Variants in HECW1 observed in about 807,000 individuals in gnomAD.
The protein encoded by HECW1 is E3 ubiquitin-protein ligase HECW1.
HECW1 carries 61 observed loss-of-function variants against 182.3 expected under a neutral mutation model. That is an observed-to-expected ratio of 0.33 (90% CI 0.27 to 0.41). HECW1 has a LOEUF of 0.41. HECW1 is among the 10% of genes least tolerant of loss of function. The pLI is 1.00. For missense variants in HECW1, 1,739 were observed against 2,108.9 expected (o/e 0.82, Z 3.44); for synonymous variants, 859 against 832.6 (o/e 1.03, Z -0.55).
intron 24 of HECW1, among the ~76,000 whole-genome samples, chr7:43,521,405 A>C (rs1236047340): frequency 1.3e-5 from 2 of 152,206 alleles, no homozygotes; most frequent in East Asian, 3.9e-4. Flanking sequence ...TTCATGATGG[A>C]AGACTGGAAA....
intron 14 of HECW1, among the ~76,000 whole-genome samples, chr7:43,465,756 T>A (rs1053510319): frequency 6.6e-6 from 1 of 151,978 alleles, no homozygotes; most frequent in Non-Finnish European, 1.5e-5. Flanking sequence ...CCAGGCATGG[T>A]GCTGCATGCC....
At chr7:43,143,851 G>A (rs1788425062) in intron 2 of HECW1, among the ~76,000 whole-genome samples, 1 of 152,208 alleles carries the variant, frequency 6.6e-6, no homozygotes, top group African/African-American at 2.4e-5. Context: ...AATTTTTCCA[G>A]CTCAGAAGTC....
intron 5 of HECW1, among the ~76,000 whole-genome samples, chr7:43,343,675 A>G (rs937288375): frequency 3.3e-5 from 5 of 151,824 alleles, no homozygotes; most frequent in African/African-American, 1.2e-4. Context: ...ATTGATGGAC[A>G]TTTGGGTTGG....
chr7:43,491,525 C>T (rs539651508), intron 17 of HECW1, among the ~76,000 whole-genome samples: 110 of 152,318 alleles, frequency 7.2e-4, no homozygotes, highest in South Asian at 3.5e-3. Context: ...ATTTATCTCT[C>T]TTTAACAAAT....
intron 6 of HECW1, among the ~76,000 whole-genome samples, chr7:43,373,438 A>G (rs1264172496): frequency 6.6e-6 from 1 of 151,940 alleles, no homozygotes; most frequent in African/African-American, 2.4e-5. Context: ...GATTACAGGC[A>G]TGAGCCACCA....
chr7:43,437,012 C>T (rs2076733279), intron 8 of HECW1, among the ~76,000 whole-genome samples: 1 of 152,090 alleles, frequency 6.6e-6, no homozygotes, highest in African/African-American at 2.4e-5. Context: ...ATTACAGATG[C>T]CCGCCACCAT....
chr7:43,407,640 A>G lies in HECW1; in HGVS notation c.710A>G (p.Lys237Arg). 6.2e-7 allele frequency: 1 copy of G among 1,613,996 alleles called. No homozygotes were observed. Among genetic ancestry groups the G allele is most frequent in the Non-Finnish European group, 8.5e-7 (1 of 1,179,902 alleles). ...PYLKISIQPG[K>R]HSIFPALPHH... The stretch of plus-strand genomic sequence containing the variant: ...CTGAAGATTTCCATTCAGCCTGGGA[A>G]ACACAGCATCTTCCCCGCCCTCCCT... Residue 237 changes from lysine (K) to arginine (R), a missense_variant, in exon 8 of 30, where the codon AAA (lysine) becomes AGA (arginine). Lys to Arg is a conservative substitution (Grantham distance 26). Coordinates refer to ENST00000395891, the MANE Select transcript of HECW1 (RefSeq NM_015052.5).
At chr7:43,427,242 A>T (rs546044977) in intron 8 of HECW1, among the ~76,000 whole-genome samples, 1 of 152,216 alleles carries the variant, frequency 6.6e-6, no homozygotes, top group South Asian at 2.1e-4. Flanking sequence ...AGTCAACCAT[A>T]TACTACACAC....
intron 6 of HECW1, among the ~76,000 whole-genome samples, chr7:43,391,336 C>T (rs186658278): frequency 6.6e-6 from 1 of 152,318 alleles, no homozygotes. Flanking sequence ...CTCTCTTCCT[C>T]CCCAGTTCAT....
At chr7:43,345,160 G>A (rs1441347653) in intron 5 of HECW1, among the ~76,000 whole-genome samples, 2 of 152,072 alleles carry the variant, frequency 1.3e-5, no homozygotes, top group African/African-American at 4.8e-5. Flanking sequence ...GGTTATAGCA[G>A]GAGTTATGAA....
chr7:43,245,569 A>G (rs1799307885), intron 3 of HECW1: 1 of 152,176 alleles, frequency 6.6e-6, no homozygotes, highest in Non-Finnish European at 1.5e-5. Flanking sequence ...TTGAAATAAA[A>G]CTCCTGGAAC....
chr7:43,320,541 G>A, intron 4 of HECW1, 94 bp from the exon 5 acceptor site: 1 of 833,970 alleles, frequency 1.2e-6, no homozygotes, highest in Non-Finnish European at 2.0e-6. Flanking sequence ...TGAGATGGAA[G>A]CAGCATTTGT....
intron 4 of HECW1, among the ~76,000 whole-genome samples, chr7:43,319,659 AT>A (rs901936020): frequency 1.7e-5 from 2 of 114,480 alleles, no homozygotes; most frequent in Non-Finnish European, 3.3e-5. Context: ...AACAGGCTGG[AT>A]ATGATCTTGG....
At chr7:43,369,458 G>A (rs950041274) in intron 6 of HECW1, among the ~76,000 whole-genome samples, 6 of 151,814 alleles carry the variant, frequency 4.0e-5, no homozygotes, top group African/African-American at 9.7e-5. Flanking sequence ...GCGAAACTCC[G>A]TCTCAAAAAA....
intron 2 of HECW1, among the ~76,000 whole-genome samples, chr7:43,224,723 G>C (rs887768509): frequency 5.9e-5 from 9 of 152,248 alleles, no homozygotes; most frequent in Admixed American, 2.0e-4. Flanking sequence ...GCTGAAGTGA[G>C]AGGATCACCT....
rs918122867 is a variant in HECW1 at position 43,558,225 on chromosome 7, C to T, written c.4709+3435C>T. On this transcript the variant is annotated intron_variant, in intron 29 of 29. Transcript: ENST00000395891. ...AGAAGGGCAGAAGCTAGGTCAGAGTCGAAGTAGCACTGGGCAGTGTGGAGA... is the reference window on the plus strand; with the variant it reads ...AGAAGGGCAGAAGCTAGGTCAGAGTTGAAGTAGCACTGGGCAGTGTGGAGA... Among the ~76,000 whole-genome samples the T allele has an allele frequency of 2.6e-5, 4 of 152,188 alleles. No individual in the cohort carries two copies. The East Asian group carries it at 7.7e-4, about 29-fold the overall frequency.
At chr7:43,326,277 T>C (rs1810768470) in intron 5 of HECW1, among the ~76,000 whole-genome samples, 1 of 152,168 alleles carries the variant, frequency 6.6e-6, no homozygotes, top group Admixed American at 6.5e-5. Context: ...TACTGACAGT[T>C]TGTAATGACT....
At chr7:43,420,152 A>C (rs550139527) in intron 8 of HECW1, among the ~76,000 whole-genome samples, 6 of 152,366 alleles carry the variant, frequency 3.9e-5, no homozygotes, top group African/African-American at 1.4e-4. Flanking sequence ...AACATAAAGT[A>C]CATTGATTTC....
At chr7:43,287,320 G>T (rs1804778409) in intron 3 of HECW1, among the ~76,000 whole-genome samples, 1 of 152,026 alleles carries the variant, frequency 6.6e-6, no homozygotes, top group East Asian at 1.9e-4. Context: ...GATGTCTGGG[G>T]GTGCACATTC....
Sources: gnomAD v4.1 joint callset for allele counts (sites outside exome capture counted in the v4.1 genomes callset) on GRCh38, gnomAD v4.1.1 for gene constraint, MANE v1.5 for transcripts, NCBI Gene and HGNC (gene_info 2026-07-23, HGNC 2026-07-21) for gene names.